The following FHIT variants were observed in gnomAD, a reference collection of about 807,000 sequenced individuals.
The protein encoded by FHIT is fragile histidine triad diadenosine triphosphatase, also known as bis(5'-adenosyl)-triphosphatase.
In FHIT, 19 loss-of-function variants were observed where a neutral mutation model predicts 17.9. That is an observed-to-expected ratio of 1.06 (90% CI 0.74 to 1.56). The LOEUF (loss-of-function observed/expected upper bound fraction) is 1.56. FHIT is among the 40% of genes most tolerant of loss of function. The pLI, the probability that FHIT is intolerant of heterozygous loss-of-function variation, is 0.00. For missense variants in FHIT, 248 were observed against 189.2 expected, an observed-to-expected ratio of 1.31 and a Z score of -1.82; for synonymous variants, 81 against 69.7, an observed-to-expected ratio of 1.16 and a Z score of -0.81.
At chr3:61,007,909 A>T (rs1333048518) in intron 3 of FHIT, among the ~76,000 whole-genome samples, 1 of 152,152 alleles carries the variant, frequency 6.6e-6, no homozygotes, top group Non-Finnish European at 1.5e-5. Context: ...AATGGTGGGA[A>T]GGGAAGGTAC....
intron 5 of FHIT, among the ~76,000 whole-genome samples, chr3:60,529,946 C>T (rs1408810321): frequency 1.1e-5 from 1 of 92,274 alleles, no homozygotes; most frequent in African/African-American, 4.2e-5. Flanking sequence ...CGTAAAGATA[C>T]ACATTTCTGG....
chr3:59,814,522 A>G (rs1700525996), intron 8 of FHIT, among the ~76,000 whole-genome samples: 1 of 152,244 alleles, frequency 6.6e-6, no homozygotes. Context: ...TAGCACACAT[A>G]AGACATTCAA....
At chr3:59,835,096 T>C (rs1701294533) in intron 8 of FHIT, among the ~76,000 whole-genome samples, 1 of 152,172 alleles carries the variant, frequency 6.6e-6, no homozygotes. Flanking sequence ...GCAAAGACAA[T>C]CTTTCCCTAA....
At chr3:60,471,289 T>G (rs551655997) in intron 5 of FHIT, among the ~76,000 whole-genome samples, 2 of 152,316 alleles carry the variant, frequency 1.3e-5, no homozygotes, top group South Asian at 4.1e-4. Context: ...AGGACTTTCC[T>G]TGCAGTCCTT....
intron 5 of FHIT, among the ~76,000 whole-genome samples, chr3:60,269,372 T>C (rs1235744437): frequency 6.6e-6 from 1 of 152,218 alleles, no homozygotes; most frequent in Admixed American, 6.5e-5. Flanking sequence ...TTTGAAATAG[T>C]TTTCTTTTAC....
intron 3 of FHIT, among the ~76,000 whole-genome samples, chr3:60,991,541 T>C (rs1311530431): frequency 3.9e-5 from 6 of 152,128 alleles, no homozygotes; most frequent in Non-Finnish European, 4.4e-5. Flanking sequence ...CCCTTACAGA[T>C]CCCAAGGCCC....
Position 60,993,865 on chromosome 3 carries a change from T to A in FHIT, c.-111+48182A>T, listed in dbSNP as rs2030455116. Reference sequence around the variant, plus strand: ...CAGGAACCTGATCCCTCTATCTTACTCTCCCTTTGTATGTACGGCTAATGA... The same window carrying A: ...CAGGAACCTGATCCCTCTATCTTACACTCCCTTTGTATGTACGGCTAATGA... On this transcript the variant is annotated intron_variant, in intron 3 of 9. Transcript: ENST00000492590. Among the ~76,000 whole-genome samples, 3 of 152,206 alleles carry A rather than the reference T, an allele frequency of 2.0e-5. No individual in the cohort carries two copies. In the East Asian group the frequency reaches 5.8e-4, roughly 29 times the overall value.
At chr3:60,496,581 G>A (rs1434361166) in intron 5 of FHIT, among the ~76,000 whole-genome samples, 3 of 152,120 alleles carry the variant, frequency 2.0e-5, no homozygotes, top group Non-Finnish European at 4.4e-5. Context: ...CTATAGAACT[G>A]CTCTCCAATG....
At chr3:60,181,221 C>T (rs1057250106) in intron 5 of FHIT, among the ~76,000 whole-genome samples, 7 of 148,786 alleles carry the variant, frequency 4.7e-5, no homozygotes, top group Admixed American at 1.4e-4. Flanking sequence ...TCTTGGCTCA[C>T]TACAACCTCT....
At chr3:60,712,718 A>C (rs544601485) in intron 4 of FHIT, among the ~76,000 whole-genome samples, 5,616 of 149,600 alleles carry the variant, frequency 0.038, 378 homozygotes, top group African/African-American at 0.13. Flanking sequence ...ATTCAACAAG[A>C]AGAGCTAACT....
At chr3:60,659,083 C>T (rs1416729648) in intron 4 of FHIT, among the ~76,000 whole-genome samples, 1 of 151,388 alleles carries the variant, frequency 6.6e-6, no homozygotes, top group Admixed American at 6.6e-5. Flanking sequence ...TTCTGTAGCC[C>T]TTTGACTATG....
chr3:60,414,422 G>A (rs1023621304), intron 5 of FHIT, among the ~76,000 whole-genome samples: 1 of 152,196 alleles, frequency 6.6e-6, no homozygotes, highest in South Asian at 2.1e-4. Context: ...CACATGCTCA[G>A]TGACAATATC....
chr3:60,228,105 A>G (rs951909535), intron 5 of FHIT, among the ~76,000 whole-genome samples: 3 of 152,158 alleles, frequency 2.0e-5, no homozygotes, highest in African/African-American at 7.2e-5. Flanking sequence ...TCATAATGGC[A>G]ACAACAACAA....
Position 59,884,226 on chromosome 3 carries a change from T to C in FHIT, c.348+38120A>G, listed in dbSNP as rs56959208. On this transcript the variant is annotated intron_variant, in intron 8 of 9. Transcript: ENST00000492590. ...TTCTGTGAGAATCAAATTGGCTATATAGAATCTATGATAAAGATTGGTGTA... is the reference window on the plus strand; with the variant it reads ...TTCTGTGAGAATCAAATTGGCTATACAGAATCTATGATAAAGATTGGTGTA... 2.4e-4 allele frequency among the ~76,000 whole-genome samples: 37 copies of C among 152,348 alleles called. No individual in the cohort carries two copies. In the East Asian group the frequency reaches 6.4e-3, roughly 26 times the overall value.
intron 5 of FHIT, among the ~76,000 whole-genome samples, chr3:60,275,242 A>C (rs955650410): frequency 1.7e-4 from 26 of 151,968 alleles, no homozygotes; most frequent in Non-Finnish European, 2.9e-4. Context: ...AAAAAAAAAA[A>C]AAACTATGAA....
chr3:59,816,357 T>C (rs1409785419), intron 8 of FHIT, among the ~76,000 whole-genome samples: 1 of 152,198 alleles, frequency 6.6e-6, no homozygotes, highest in Non-Finnish European at 1.5e-5. Flanking sequence ...TTGCGTTCAT[T>C]AAAAATTTAA....
intron 5 of FHIT, among the ~76,000 whole-genome samples, chr3:60,175,191 T>C (rs1160971560): frequency 6.6e-6 from 1 of 152,214 alleles, no homozygotes; most frequent in Non-Finnish European, 1.5e-5. Flanking sequence ...TGGATTTTTA[T>C]AAAATGAAGC....
intron 1 of FHIT, among the ~76,000 whole-genome samples, chr3:61,205,375 T>C (rs2039189724): frequency 6.6e-6 from 1 of 152,198 alleles, no homozygotes; most frequent in South Asian, 2.1e-4. Context: ...TATCTAGTTC[T>C]AGATCCCTGA....
In FHIT at chr3:61,178,181, T is replaced by A. The variant is rs564355261; in HGVS notation, c.-164+22436A>T. On this transcript the variant is annotated intron_variant, in intron 2 of 9. Transcript: ENST00000492590. The stretch of plus-strand genomic sequence containing the variant: ...TAATAACAATAGTAACCGGCAGTTA[T>A]TGAGTGTTTAGATTGTGCCAGGCAC... 7.2e-5 allele frequency among the ~76,000 whole-genome samples: 11 copies of A among 152,256 alleles called. No individual in the cohort carries two copies. In the East Asian group the frequency reaches 2.1e-3, roughly 29 times the overall value.
Sources: allele counts gnomAD v4.1 joint callset (sites outside exome capture counted in the v4.1 genomes callset), GRCh38; gene constraint gnomAD v4.1.1; transcripts MANE v1.5; gene names NCBI Gene and HGNC (gene_info 2026-07-23, HGNC 2026-07-21).